The following PTK2 variants were observed in gnomAD, a reference collection of about 807,000 sequenced individuals.
The protein encoded by PTK2 is focal adhesion kinase 1.
In PTK2, 45 loss-of-function variants were observed where a neutral mutation model predicts 150.1. That is an observed-to-expected ratio of 0.30 (90% confidence interval 0.24 to 0.38). PTK2 has a LOEUF of 0.38. PTK2 is among the 10% of genes least tolerant of loss of function. The probability of loss-of-function intolerance (pLI) is 1.00; values close to 1 mark genes in which losing one functional copy is unlikely to be tolerated. For missense variants in PTK2, 919 were observed against 1,307.3 expected (o/e 0.70, Z 4.58); for synonymous variants, 432 against 449.2 (o/e 0.96, Z 0.48).
chr8:140,737,478 C>T (rs2100053251), intron 21 of PTK2, among the ~76,000 whole-genome samples: 1 of 152,138 alleles, frequency 6.6e-6, no homozygotes, highest in Admixed American at 6.5e-5. Context: ...TGACAAAAAT[C>T]ACATCTACTG....
intron 1 of PTK2, among the ~76,000 whole-genome samples, chr8:140,943,355 G>T (rs2100176520): frequency 6.6e-6 from 1 of 152,224 alleles, no homozygotes; most frequent in South Asian, 2.1e-4. Context: ...GGAGTTTAGT[G>T]TTTTCACTTA....
intron 8 of PTK2, among the ~76,000 whole-genome samples, chr8:140,825,288 A>T (rs1171413146): frequency 1.3e-5 from 2 of 152,206 alleles, no homozygotes; most frequent in Non-Finnish European, 2.9e-5. Context: ...CATACAGCAG[A>T]TAACAGGAAT....
intron 25 of PTK2, among the ~76,000 whole-genome samples, chr8:140,702,329 C>T (rs1033900609): frequency 2.0e-5 from 3 of 150,216 alleles, no homozygotes; most frequent in African/African-American, 4.9e-5. Flanking sequence ...AAATGATCCT[C>T]TCACCCCAGC....
chr8:140,858,826 A>T (rs2100134391), intron 5 of PTK2, among the ~76,000 whole-genome samples: 3 of 152,258 alleles, frequency 2.0e-5, no homozygotes, highest in African/African-American at 7.2e-5. Context: ...ATATCTAAAT[A>T]TGTGCAAGGT....
intron 2 of PTK2, among the ~76,000 whole-genome samples, chr8:140,911,046 AT>A (rs10706458): frequency 0.42 from 59,800 of 143,344 alleles, 13,491 homozygotes; most frequent in Non-Finnish European, 0.54. Flanking sequence ...GCCCAGCTAA[AT>A]TTTTTTTTTT....
At chr8:140,736,570 G>A (rs117364707) in intron 21 of PTK2, among the ~76,000 whole-genome samples, 3,933 of 149,692 alleles carry the variant, frequency 0.026, 62 homozygotes, top group Middle Eastern at 0.058. Flanking sequence ...AAACAAACAA[G>A]AAACCTAAAA....
chr8:140,982,428 C>A (rs981452284), intron 1 of PTK2, among the ~76,000 whole-genome samples: 2 of 152,222 alleles, frequency 1.3e-5, no homozygotes, highest in African/African-American at 4.8e-5. Context: ...GAAACCCCAT[C>A]TCTACTAAAA....
intron 21 of PTK2, among the ~76,000 whole-genome samples, chr8:140,738,279 G>A (rs1434414003): frequency 6.6e-6 from 1 of 152,208 alleles, no homozygotes; most frequent in African/African-American, 2.4e-5. Flanking sequence ...GAAGGTATCA[G>A]GATAAGGTAT....
At chr8:140,703,316 C>CA (rs1290862142) in intron 24 of PTK2, among the ~76,000 whole-genome samples, 1 of 152,060 alleles carries the variant, frequency 6.6e-6, no homozygotes, top group Admixed American at 6.6e-5. Context: ...GTAAGGGGAC[C>CA]ATGAGCCAAG....
chr8:140,698,226 A>G (rs953129252), intron 26 of PTK2, among the ~76,000 whole-genome samples: 4 of 152,180 alleles, frequency 2.6e-5, no homozygotes, highest in Admixed American at 6.6e-5. Flanking sequence ...ATTTGGTAGC[A>G]AACCCTTTGT....
intron 2 of PTK2, among the ~76,000 whole-genome samples, chr8:140,902,562 T>G (rs2100158925): frequency 6.6e-6 from 1 of 152,168 alleles, no homozygotes; most frequent in Admixed American, 6.5e-5. Context: ...TTGAACTAAT[T>G]TACACTCCCA....
intron 7 of PTK2, among the ~76,000 whole-genome samples, chr8:140,831,332 C>T (rs528904184): frequency 2.6e-5 from 4 of 152,196 alleles, no homozygotes; most frequent in East Asian, 3.9e-4. Flanking sequence ...CATTAAGGAA[C>T]GTCAGGAAAC....
chr8:140,658,999 T>C, exon 32 of PTK2: 1 of 226,668 alleles, frequency 4.4e-6, no homozygotes. Context: ...CAAACAAAAA[T>C]TCCAGTCTGG....
intron 22 of PTK2, among the ~76,000 whole-genome samples, chr8:140,723,406 C>T (rs890886837): frequency 7.2e-5 from 11 of 152,140 alleles, no homozygotes; most frequent in African/African-American, 2.7e-4. Flanking sequence ...TAATTTGCTG[C>T]TCAGAGGAAC....
chr8:140,818,502 A>G (rs919199743), intron 9 of PTK2, 148 bp from the exon 10 acceptor site: 21 of 706,606 alleles, frequency 3.0e-5, no homozygotes, highest in Middle Eastern at 3.2e-4. Context: ...TAAAATATTT[A>G]TAACTTCATT....
At chr8:140,960,418 C>G (rs2100182740) in intron 1 of PTK2, among the ~76,000 whole-genome samples, 1 of 151,962 alleles carries the variant, frequency 6.6e-6, no homozygotes, top group African/African-American at 2.4e-5. Flanking sequence ...CCATGTTGGC[C>G]AGGCTGGTCT....
chr8:140,963,349 C>T (rs1033865638), intron 1 of PTK2, among the ~76,000 whole-genome samples: 1 of 152,132 alleles, frequency 6.6e-6, no homozygotes, highest in Non-Finnish European at 1.5e-5. Flanking sequence ...TCCAAAGTCA[C>T]ATAATAATAA....
At chr8:140,824,848 C>T (rs557960091) in intron 8 of PTK2, among the ~76,000 whole-genome samples, 11 of 152,278 alleles carry the variant, frequency 7.2e-5, no homozygotes, top group East Asian at 1.9e-4. Flanking sequence ...AAGGCATCTA[C>T]GCACACTATT....
intron 16 of PTK2, among the ~76,000 whole-genome samples, chr8:140,756,306 G>C (rs1339003722): frequency 7.0e-6 from 1 of 143,376 alleles, no homozygotes. Context: ...CTGAGCAACA[G>C]AGCAAGGCTC....
Sources: allele counts gnomAD v4.1 joint callset (sites outside exome capture counted in the v4.1 genomes callset), GRCh38; gene constraint gnomAD v4.1.1; transcripts MANE v1.5; gene names NCBI Gene and HGNC (gene_info 2026-07-23, HGNC 2026-07-21).